FBXL18: variants seen among roughly 807,000 people sequenced by gnomAD.
FBXL18 encodes the protein F-box and leucine rich repeat protein 18.
A neutral mutation model predicts 46.0 loss-of-function variants in FBXL18; 36 were observed. That is an observed-to-expected ratio of 0.78 (90% CI 0.60 to 1.03). The LOEUF (loss-of-function observed/expected upper bound fraction) is 1.03, where lower values mean the gene tolerates loss of function less well. FBXL18 is among the 50% of genes least tolerant of loss of function. The pLI is 0.00. For synonymous variants in FBXL18, 557 were observed against 465.3 expected (o/e 1.20, Z -2.54); for missense variants, 977 against 1,004.1 (o/e 0.97, Z 0.36).
chr7:5,491,943 G>A (rs560691600), intron 3 of FBXL18, among the ~76,000 whole-genome samples: 2 of 152,010 alleles, frequency 1.3e-5, no homozygotes, highest in African/African-American at 4.8e-5. Flanking sequence ...GAGGGAGAGG[G>A]CGAGAATCTG....
chr7:5,503,405 C>T, intron 2 of FBXL18, among the ~76,000 whole-genome samples: 1 of 152,118 alleles, frequency 6.6e-6, no homozygotes, highest in Non-Finnish European at 1.5e-5. Context: ...CAGGCTGGAG[C>T]ACAGTGGTAC....
chr7:5,455,674 C>T lies in FBXL18; in HGVS notation c.2001-7831G>A, dbSNP rs767953257. Among the ~76,000 whole-genome samples the T allele has an allele frequency of 1.3e-5, 2 of 152,084 alleles. No individual in the cohort carries two copies. Among genetic ancestry groups the T allele is most frequent in the Admixed American group, 6.6e-5 (1 of 15,260 alleles). ...CCACTTCCCCGCAGGGGGGCTCAAACCCAGGCTGTGAATTCGGGGAAGTGG... is the reference window on the plus strand; with the variant it reads ...CCACTTCCCCGCAGGGGGGCTCAAATCCAGGCTGTGAATTCGGGGAAGTGG... On this transcript the variant is annotated intron_variant and NMD_transcript_variant, in intron 4 of 6. Coordinates refer to the FBXL18 transcript ENST00000415009. This position sits in a 1 kb window ranked among gnomAD's most constrained non-coding sequence, Gnocchi z 4.6.
Position 5,500,496 on chromosome 7 carries a change from C to T in FBXL18, c.1773G>A (p.Arg591=), listed in dbSNP as rs1784205784. 1 of 1,600,814 alleles carries T rather than the reference C, an allele frequency of 6.2e-7. No homozygotes were observed. Among genetic ancestry groups the T allele is most frequent in the Non-Finnish European group, 8.5e-7 (1 of 1,171,818 alleles). ...CCCCGCGGCCCCCTCACCTGAGGTC[C>T]CTCAGCCGCTTGCAGTGCTTCAACA... ...SDMLKHCKRL[R]DLRLEQPYFS... The change falls in exon 3 of 5, where the codon AGG becomes AGA. Residue 591 remains arginine (R), a synonymous_variant. Coordinates refer to ENST00000382368, the MANE Select transcript of FBXL18 (RefSeq NM_024963.6).
intron 1 of FBXL18, among the ~76,000 whole-genome samples, chr7:5,512,574 CAGCCTGGGCGACAG>C (rs1784568742): frequency 6.6e-6 from 1 of 152,164 alleles, no homozygotes; most frequent in Non-Finnish European, 1.5e-5. Flanking sequence ...CGCTGCACTA[CAGCCTGGGCGACAG>C]AGCGAGACTC....
intron 3 of FBXL18, among the ~76,000 whole-genome samples, chr7:5,492,641 AG>A (rs1410972212): frequency 6.6e-6 from 1 of 152,006 alleles, no homozygotes; most frequent in East Asian, 1.9e-4. Context: ...AGTTAAGAGG[AG>A]GATGCATCCT....
Position 5,500,094 on chromosome 7 carries a change from T to TTAAATTA in FBXL18, c.1781+393_1781+394insTAATTTA, listed in dbSNP as rs1554323141. Among the ~76,000 whole-genome samples the TTAAATTA allele has an allele frequency of 2.8e-3, 388 of 140,446 alleles. 12 individuals carry two copies. The East Asian group carries it at 0.071, about 26-fold the overall frequency. 92.1% of individuals were successfully genotyped at this position (140,446 alleles called of 152,430 possible). On this transcript the variant is annotated intron_variant, in intron 3 of 4. Transcript: ENST00000382368. ...ATAAATAAATAAATAAAATTTAAAT[T>TTAAATTA]AAAAAAAAAAAAGGAATTGCATTGC...
In FBXL18 at chr7:5,500,965, G is replaced by C. The variant is rs749040715; in HGVS notation, c.1304C>G (p.Ala435Gly). ...TGCGTGCATGGCCGGCTGGGCGGGC[G>C]CGCGGTCGGCGCGCGGCGCGGAGTC... The part of the protein sequence containing the change: ...VADSAPRADR[A>G]PAQPAMHAVP... The change falls in exon 3 of 5, where the codon GCG (alanine) becomes GGG (glycine). Residue 435 changes from alanine to glycine, a missense_variant. Physicochemically the swap from Ala to Gly is moderately conservative, Grantham distance 60 (BLOSUM62 0). Transcript: ENST00000382368. 1 of 1,533,870 alleles carries C rather than the reference G, an allele frequency of 6.5e-7. No individual in the cohort carries two copies. Among genetic ancestry groups the C allele is most frequent in the East Asian group, 2.3e-5 (1 of 43,732 alleles).
Position 5,500,687 on chromosome 7 carries a change from C to G in FBXL18, c.1582G>C (p.Gly528Arg). ...SVGDSEVAAI[G>R]QLAFLRHLTL... is the part of the protein sequence containing the mutation. ...AGGTGCCGCAGGAAGGCCAGCTGGC[C>G]GATGGCGGCCACCTCCGAGTCCCCG... The change falls in exon 3 of 5, where the codon GGC (glycine) becomes CGC (arginine). Residue 528 changes from glycine (G) to arginine (R), a missense_variant. Gly to Arg is a moderately radical substitution (Grantham distance 125). Coordinates refer to ENST00000382368, the MANE Select transcript of FBXL18 (RefSeq NM_024963.6). 1 of 1,610,416 alleles carries G rather than the reference C, an allele frequency of 6.2e-7. No individual in the cohort carries two copies.
At chr7:5,472,227 C>T (rs567159476), downstream of FBXL18, among the ~76,000 whole-genome samples, 9 of 152,286 alleles carry the variant, frequency 5.9e-5, no homozygotes, top group African/African-American at 1.9e-4. Context: ...CCAACAGGCC[C>T]AGTGCACTAA....
intron 4 of FBXL18, among the ~76,000 whole-genome samples, chr7:5,485,901 A>G (rs1433808105): frequency 6.6e-6 from 1 of 151,544 alleles, no homozygotes; most frequent in African/African-American, 2.4e-5. Flanking sequence ...TAAAAAAAAC[A>G]CAAAAAAATT....
chr7:5,482,505 A>G (rs1293283190), intron 4 of FBXL18, among the ~76,000 whole-genome samples: 2 of 124,530 alleles, frequency 1.6e-5, no homozygotes, highest in South Asian at 2.8e-4. Flanking sequence ...CCCCCCCCCA[A>G]TGCCCCCACC....
chr7:5,475,389 G>A (rs1424589625), downstream of FBXL18, among the ~76,000 whole-genome samples: 1 of 152,176 alleles, frequency 6.6e-6, no homozygotes, highest in African/African-American at 2.4e-5. The surrounding 1 kb of genome is among the most constrained non-coding windows in gnomAD (Gnocchi z 4.2). Flanking sequence ...GAAAGCCTAA[G>A]CTGACTCGGC....
intron 4 of FBXL18, among the ~76,000 whole-genome samples, chr7:5,486,122 C>A (rs188527750): frequency 1.3e-5 from 2 of 150,992 alleles, no homozygotes; most frequent in Admixed American, 1.3e-4. Context: ...GGCGTGCTGG[C>A]GCATGCCTGT....
At chr7:5,484,088 G>A (rs1357120681) in intron 4 of FBXL18, among the ~76,000 whole-genome samples, 3 of 152,194 alleles carry the variant, frequency 2.0e-5, no homozygotes, top group Non-Finnish European at 2.9e-5. Flanking sequence ...TGTGGCAGAC[G>A]CATCCTGGCC....
intron 4 of FBXL18, among the ~76,000 whole-genome samples, chr7:5,462,819 C>T (rs1350827048): frequency 3.3e-5 from 5 of 149,460 alleles, no homozygotes; most frequent in African/African-American, 4.9e-5. Context: ...GGTGTGGTGG[C>T]GGGCGCCTAT....
intron 4 of FBXL18, among the ~76,000 whole-genome samples, chr7:5,485,525 A>T (rs569697762): frequency 2.0e-5 from 3 of 152,256 alleles, no homozygotes; most frequent in African/African-American, 7.2e-5. Context: ...AATAAATAAA[A>T]AAGGGAGGCC....
intron 3 of FBXL18, among the ~76,000 whole-genome samples, chr7:5,498,377 C>T (rs1467428781): frequency 2.0e-5 from 3 of 152,088 alleles, no homozygotes; most frequent in East Asian, 1.9e-4. Context: ...TGAGCCACGG[C>T]GCCCGGCCGA....
At chr7:5,463,722 TTATTTA>T (rs1783294006) in intron 4 of FBXL18, among the ~76,000 whole-genome samples, 2 of 70,968 alleles carry the variant, frequency 2.8e-5, no homozygotes, top group African/African-American at 5.7e-5. Context: ...ATTTATTTAT[TTATTTA>T]TTTTTTTTTT....
chr7:5,506,361 G>A (rs1215415134), intron 1 of FBXL18, among the ~76,000 whole-genome samples: 1 of 151,708 alleles, frequency 6.6e-6, no homozygotes, highest in African/African-American at 2.4e-5. Flanking sequence ...CAGTTCTCCT[G>A]GCTCAGCCTC....
Sources: allele counts gnomAD v4.1 joint callset (sites outside exome capture counted in the v4.1 genomes callset), GRCh38; gene constraint gnomAD v4.1.1; non-coding constraint Gnocchi (gnomAD v3.1); transcripts MANE v1.5; gene names NCBI Gene and HGNC (gene_info 2026-07-23, HGNC 2026-07-21).